The following EPC2 variants were observed in gnomAD, a reference collection of about 807,000 sequenced individuals.
The protein encoded by EPC2 is enhancer of polycomb 2.
In EPC2, 14 loss-of-function variants were observed where a neutral mutation model predicts 92.1. The observed-to-expected ratio is 0.15, with a 90% CI of 0.10 to 0.24. The LOEUF is 0.24. Among genes scored for constraint, EPC2 ranks in the 10% least tolerant of loss-of-function variants. The pLI is 1.00. For missense variants in EPC2, 755 were observed against 971.5 expected, an observed-to-expected ratio of 0.78 and a Z score of 2.96; for synonymous variants, 340 against 334.7, an observed-to-expected ratio of 1.02 and a Z score of -0.17.
chr2:148,776,856 C>CTCTTTTTTT (rs1247135854), intron 10 of EPC2, among the ~76,000 whole-genome samples: 15 of 101,028 alleles, frequency 1.5e-4, no homozygotes, highest in Admixed American at 8.5e-4. Flanking sequence ...GTCTCTCTCT[C>CTCTTTTTTT]TTTTTTTTTT....
chr2:148,725,355 T>TTCTCTGTCACTTCTC (rs1214927265), intron 2 of EPC2, among the ~76,000 whole-genome samples: 1 of 152,036 alleles, frequency 6.6e-6, no homozygotes, highest in Non-Finnish European at 1.5e-5. Context: ...TTTTAACTCT[T>TTCTCTGTCACTTCTC]TCTCTGTCAC....
At chr2:148,711,347 A>C (rs1682140065) in intron 2 of EPC2, among the ~76,000 whole-genome samples, 1 of 152,130 alleles carries the variant, frequency 6.6e-6, no homozygotes, top group South Asian at 2.1e-4. Flanking sequence ...TATTTTAAAT[A>C]ACACATATTT....
At chr2:148,709,336 A>C (rs1231241648) in intron 2 of EPC2, among the ~76,000 whole-genome samples, 4 of 152,340 alleles carry the variant, frequency 2.6e-5, no homozygotes, top group Middle Eastern at 3.4e-3. Context: ...TGCTCAACGA[A>C]ATAAAAGAGG....
chr2:148,708,891 G>C (rs1682070272), intron 2 of EPC2, among the ~76,000 whole-genome samples: 2 of 152,046 alleles, frequency 1.3e-5, no homozygotes, highest in East Asian at 3.9e-4. Context: ...CAGTATCATA[G>C]TGAATGGGCA....
At chr2:148,654,615 G>A (rs867159977) in intron 1 of EPC2, among the ~76,000 whole-genome samples, 4 of 152,118 alleles carry the variant, frequency 2.6e-5, no homozygotes, top group African/African-American at 7.2e-5. Context: ...CTGTGATAGC[G>A]CCACTGCACG....
At position 148,691,632 on chromosome 2, in the gene EPC2, C is replaced by T. The variant is rs745343063; in HGVS notation, c.313+1259C>T. 8 of 1,548,374 alleles carry T rather than the reference C, an allele frequency of 5.2e-6. No individual in the cohort carries two copies. The South Asian group carries it at 7.1e-5, about 14-fold the overall frequency. On this transcript the variant is annotated intron_variant, in intron 2 of 13. Transcript: ENST00000258484. ...TTTGTTTCTGCCAGGCATTTGGGGA[C>T]ACTACCAACCGGAGACCACGTTAAA...
chr2:148,774,986 G>A (rs1247468495), intron 10 of EPC2, among the ~76,000 whole-genome samples: 1 of 151,618 alleles, frequency 6.6e-6, no homozygotes, highest in Non-Finnish European at 1.5e-5. Flanking sequence ...CTACTGGGGA[G>A]GTTGAGGCAG....
intron 1 of EPC2, among the ~76,000 whole-genome samples, chr2:148,661,943 G>A (rs1680943471): frequency 6.6e-6 from 1 of 151,940 alleles, no homozygotes; most frequent in South Asian, 2.1e-4. Flanking sequence ...CTAATATCCA[G>A]AATCTACAAT....
At position 148,764,942 on chromosome 2, in the gene EPC2, G is replaced by A. The variant is rs369397392; in HGVS notation, c.949-13G>A. On this transcript the variant is annotated splice_polypyrimidine_tract_variant and intron_variant, in intron 6 of 13. Coordinates refer to ENST00000258484, the MANE Select transcript of EPC2 (RefSeq NM_015630.4). The stretch of plus-strand genomic sequence containing the variant: ...ATTTCTTCCTTTTGGGGGAAAAATC[G>A]TCATGTAAACAGCACCCTCATCATT... The A allele has an allele frequency of 7.3e-5, 104 of 1,425,506 alleles. No homozygotes were observed. Among genetic ancestry groups the A allele is most frequent in the African/African-American group, 1.0e-4 (7 of 68,586 alleles). 88.3% of individuals were successfully genotyped at this position (1,425,506 alleles called of 1,614,324 possible).
At chr2:148,775,668 A>AAATTAAATTTAATTT (rs1683621163) in intron 10 of EPC2, among the ~76,000 whole-genome samples, 1 of 147,622 alleles carries the variant, frequency 6.8e-6, no homozygotes, top group Non-Finnish European at 1.5e-5. Flanking sequence ...AAATTAAATA[A>AAATTAAATTTAATTT]AATTAAATTT....
At chr2:148,782,821 C>T (rs1683781815) in intron 11 of EPC2, among the ~76,000 whole-genome samples, 1 of 152,136 alleles carries the variant, frequency 6.6e-6, no homozygotes, top group Non-Finnish European at 1.5e-5. Context: ...ACCTGAAAAA[C>T]ATAAACCTTG....
chr2:148,646,217 A>G (rs1223783039), intron 1 of EPC2, among the ~76,000 whole-genome samples: 1 of 152,188 alleles, frequency 6.6e-6, no homozygotes, highest in East Asian at 1.9e-4. Context: ...AGTGACTGTC[A>G]AAAGGAAGCT....
At chr2:148,764,528 C>T (rs1350286508) in intron 6 of EPC2, among the ~76,000 whole-genome samples, 1 of 152,076 alleles carries the variant, frequency 6.6e-6, no homozygotes, top group East Asian at 1.9e-4. Context: ...ATCCATAGAA[C>T]AGACATTTTT....
chr2:148,698,373 C>T (rs1051534884), intron 2 of EPC2, among the ~76,000 whole-genome samples: 6 of 152,092 alleles, frequency 3.9e-5, no homozygotes, highest in East Asian at 3.9e-4. Flanking sequence ...CGCAGTGGCT[C>T]GTGCCTGTAA....
intron 7 of EPC2, among the ~76,000 whole-genome samples, chr2:148,766,669 G>A (rs1238950654): frequency 2.0e-5 from 3 of 152,182 alleles, no homozygotes; most frequent in Non-Finnish European, 4.4e-5. Context: ...TCGCATTGCT[G>A]GAGCACAAAA....
intron 1 of EPC2, among the ~76,000 whole-genome samples, chr2:148,647,333 G>T (rs993172395): frequency 2.0e-5 from 3 of 152,062 alleles, no homozygotes; most frequent in Non-Finnish European, 4.4e-5. Flanking sequence ...TTGAGATGGA[G>T]TTTAGCTCTT....
In EPC2 at chr2:148,769,135, T is replaced by C. The variant is rs1353639652; in HGVS notation, c.1141-16T>C. 1 of 1,566,810 alleles carries C rather than the reference T, an allele frequency of 6.4e-7. No individual in the cohort carries two copies. The highest frequency in any genetic ancestry group is 1.1e-5 in the South Asian group (1 of 88,366). ...GACTTTTGATAACTTCTAAATGGAA[T>C]GCCTCTTTTGTCTAGGTATTGTCCC... On this transcript the variant is annotated splice_polypyrimidine_tract_variant and intron_variant, in intron 7 of 13. Coordinates refer to ENST00000258484, the MANE Select transcript of EPC2 (RefSeq NM_015630.4).
chr2:148,670,721 C>T (rs1358315587), intron 1 of EPC2, among the ~76,000 whole-genome samples: 5 of 151,972 alleles, frequency 3.3e-5, no homozygotes, highest in Admixed American at 1.3e-4. Flanking sequence ...CTTCCCTGTC[C>T]CCTCCCTTCC....
At chr2:148,682,980 G>T (rs1681435305) in intron 1 of EPC2, among the ~76,000 whole-genome samples, 1 of 151,920 alleles carries the variant, frequency 6.6e-6, no homozygotes, top group Non-Finnish European at 1.5e-5. Flanking sequence ...TTAATTTATA[G>T]AAATCACATG....
Sources: gnomAD v4.1 joint callset for allele counts (sites outside exome capture counted in the v4.1 genomes callset) on GRCh38, gnomAD v4.1.1 for gene constraint, MANE v1.5 for transcripts, NCBI Gene and HGNC (gene_info 2026-07-23, HGNC 2026-07-21) for gene names.